The following SSH2 variants were observed in gnomAD, a reference collection of about 807,000 sequenced individuals.
SSH2 encodes protein phosphatase Slingshot homolog 2.
In SSH2, 37 loss-of-function variants were observed where a neutral mutation model predicts 135.2. The ratio of observed to expected loss-of-function variants is 0.27; its 90% confidence interval spans 0.21 to 0.36. The LOEUF (loss-of-function observed/expected upper bound fraction) is 0.36, where lower values mean the gene tolerates loss of function less well. SSH2 is among the 10% of genes least tolerant of loss of function. The probability of loss-of-function intolerance (pLI) is 1.00; values close to 1 mark genes in which losing one functional copy is unlikely to be tolerated. For missense variants in SSH2, 1,408 were observed against 1,765.3 expected (o/e 0.80, Z 3.63); for synonymous variants, 628 against 646.2 (o/e 0.97, Z 0.43).
At chr17:29,843,352 T>C (rs927504474) in intron 2 of SSH2, among the ~76,000 whole-genome samples, 2 of 152,058 alleles carry the variant, frequency 1.3e-5, no homozygotes, top group Non-Finnish European at 2.9e-5. Flanking sequence ...CTGGCCAATA[T>C]GGCGAAACCC....
chr17:29,737,847 A>G (rs1314688756), intron 3 of SSH2, among the ~76,000 whole-genome samples: 1 of 152,254 alleles, frequency 6.6e-6, no homozygotes, highest in African/African-American at 2.4e-5. Flanking sequence ...AGAACAGTAA[A>G]GGCAGAAAGA....
chr17:29,695,620 T>A, intron 4 of SSH2, 97 bp from the exon 5 acceptor site: 2 of 1,061,526 alleles, frequency 1.9e-6, no homozygotes, highest in Non-Finnish European at 1.4e-6. Flanking sequence ...AAGAAAGTTC[T>A]GATTCATTAA....
At position 29,787,225 on chromosome 17, in the gene SSH2, A is replaced by T. The variant is rs568257221; in HGVS notation, c.188+6669T>A. On this transcript the variant is annotated intron_variant, in intron 3 of 15. Coordinates refer to ENST00000540801, the MANE Select transcript of SSH2 (RefSeq NM_001282129.2). The stretch of plus-strand genomic sequence containing the variant: ...GTATCTCATGTAAGTGGAATCATAC[A>T]GTATTTGACTTTTTGTGATTGGCTT... Among the ~76,000 whole-genome samples, 9 of 152,326 alleles carry T rather than the reference A, an allele frequency of 5.9e-5. 1 individual carries two copies. Among genetic ancestry groups the T allele is most frequent in the African/African-American group, 2.2e-4 (9 of 41,580 alleles).
intron 5 of SSH2, among the ~76,000 whole-genome samples, chr17:29,691,834 T>G (rs1286449370): frequency 1.3e-5 from 2 of 151,372 alleles, no homozygotes; most frequent in African/African-American, 2.4e-5. Flanking sequence ...TTGGGTTATT[T>G]AAAAAATGAA....
At chr17:29,748,570 C>CTCAATTA (rs1423183541) in intron 3 of SSH2, among the ~76,000 whole-genome samples, 1 of 151,978 alleles carries the variant, frequency 6.6e-6, no homozygotes, top group East Asian at 1.9e-4. Context: ...GTTTCAATTA[C>CTCAATTA]TCAATTATCA....
At chr17:29,715,403 G>A (rs1169884829) in intron 3 of SSH2, among the ~76,000 whole-genome samples, 1 of 151,580 alleles carries the variant, frequency 6.6e-6, no homozygotes, top group African/African-American at 2.4e-5. Flanking sequence ...CCGCCACCAC[G>A]CCCGGCTAAT....
intron 3 of SSH2, among the ~76,000 whole-genome samples, chr17:29,723,006 C>T (rs1040557306): frequency 5.9e-5 from 9 of 152,186 alleles, no homozygotes; most frequent in Non-Finnish European, 8.8e-5. Flanking sequence ...GCTTTGCCAT[C>T]GGCAATGTCT....
chr17:29,763,785 A>C (rs1281969797), intron 3 of SSH2, among the ~76,000 whole-genome samples: 2 of 152,194 alleles, frequency 1.3e-5, no homozygotes, highest in African/African-American at 4.8e-5. Flanking sequence ...AGAAGTGCAT[A>C]GTCCTTTCCT....
intron 2 of SSH2, among the ~76,000 whole-genome samples, chr17:29,837,061 A>G (rs1448915936): frequency 6.6e-6 from 1 of 152,174 alleles, no homozygotes; most frequent in East Asian, 1.9e-4. Context: ...GTTCAAGACC[A>G]GCCTGGCCAA....
intron 2 of SSH2, among the ~76,000 whole-genome samples, chr17:29,803,212 G>A (rs1284074447): frequency 6.6e-6 from 1 of 152,100 alleles, no homozygotes; most frequent in Non-Finnish European, 1.5e-5. Flanking sequence ...TGATTTTATG[G>A]GTCAGAAATT....
At chr17:29,725,562 G>A (rs1455962586) in intron 3 of SSH2, among the ~76,000 whole-genome samples, 2 of 152,138 alleles carry the variant, frequency 1.3e-5, no homozygotes, top group Non-Finnish European at 2.9e-5. Flanking sequence ...GGAATACTAT[G>A]CAGCCATAAA....
intron 3 of SSH2, among the ~76,000 whole-genome samples, chr17:29,723,283 T>C (rs2151171398): frequency 6.6e-6 from 1 of 152,208 alleles, no homozygotes; most frequent in Non-Finnish European, 1.5e-5. Context: ...GCAAAGACAA[T>C]ACAGTTGTTC....
intron 2 of SSH2, among the ~76,000 whole-genome samples, chr17:29,826,817 T>C (rs2042753254): frequency 6.6e-6 from 1 of 152,174 alleles, no homozygotes; most frequent in Non-Finnish European, 1.5e-5. Context: ...TTGACCAGCC[T>C]GACATGGGTC....
intron 1 of SSH2, among the ~76,000 whole-genome samples, chr17:29,919,500 A>G (rs1311097101): frequency 6.6e-6 from 1 of 152,222 alleles, no homozygotes; most frequent in Non-Finnish European, 1.5e-5. Flanking sequence ...AAGAAAATGC[A>G]GGGTAGTTTA....
intron 3 of SSH2, among the ~76,000 whole-genome samples, chr17:29,786,403 C>A (rs1286447152): frequency 6.6e-6 from 1 of 152,184 alleles, no homozygotes; most frequent in African/African-American, 2.4e-5. Context: ...AAGGAACCAG[C>A]AGGAATTCTA....
At chr17:29,812,082 C>T (rs1378320504) in intron 2 of SSH2, among the ~76,000 whole-genome samples, 1 of 151,474 alleles carries the variant, frequency 6.6e-6, no homozygotes, top group African/African-American at 2.4e-5. Context: ...AAAAAAGACT[C>T]ATTCATTAAA....
intron 1 of SSH2, among the ~76,000 whole-genome samples, chr17:29,870,548 G>A (rs1008362567): frequency 2.6e-5 from 4 of 151,990 alleles, no homozygotes; most frequent in Admixed American, 2.0e-4. Flanking sequence ...TTTTAAAATC[G>A]AATAATAACA....
At chr17:29,901,666 G>A (rs1200893012) in intron 1 of SSH2, among the ~76,000 whole-genome samples, 5 of 151,992 alleles carry the variant, frequency 3.3e-5, no homozygotes, top group African/African-American at 1.2e-4. Context: ...ATATGTCTCA[G>A]TGTGCTGAGG....
rs962444588 is a variant in SSH2 at position 29,761,407 on chromosome 17, C to A, written c.188+32487G>T. ...CGCGCGGAGGCAGCCGCCGAAGCCC[C>A]AGGGCTCGGCGGTAGAGTCCGGACT... On this transcript the variant is annotated intron_variant, in intron 3 of 15. Coordinates refer to ENST00000540801, the MANE Select transcript of SSH2 (RefSeq NM_001282129.2). 3.3e-5 allele frequency: 35 copies of A among 1,058,870 alleles called. No individual in the cohort carries two copies. In the African/African-American group the frequency reaches 4.3e-4, roughly 13 times the overall value. The allele number at this position is 1,058,870 out of a possible 1,614,324, so 65.6% of individuals were successfully genotyped here.
Sources: gnomAD v4.1 joint callset for allele counts (sites outside exome capture counted in the v4.1 genomes callset) on GRCh38, gnomAD v4.1.1 for gene constraint, MANE v1.5 for transcripts, NCBI Gene and HGNC (gene_info 2026-07-23, HGNC 2026-07-21) for gene names.